SPACA6: variants seen among roughly 807,000 people sequenced by gnomAD.
SPACA6 encodes sperm acrosome membrane-associated protein 6.
For synonymous variants in SPACA6, 6 were observed against 1.5 expected, an observed-to-expected ratio of 4.05 and a Z score of -2.21; for missense variants, 8 against 2.8, an observed-to-expected ratio of 2.88 and a Z score of -1.34.
intron 7 of SPACA6, 32 bp downstream of exon 7, chr19:51,704,218 G>A (rs2083495120): frequency 2.5e-6 from 1 of 400,986 alleles, no homozygotes; most frequent in Non-Finnish European, 4.4e-6. Context: ...TGAGTGAGCG[G>A]GGTCGGGAGA....
Position 51,693,679 on chromosome 19 carries a change from G to A in SPACA6, c.153G>A (p.Lys51=). 2.4e-6 allele frequency: 1 copy of A among 413,256 alleles called. No individual in the cohort carries two copies. The highest frequency in any genetic ancestry group is 4.3e-6 in the Non-Finnish European group (1 of 232,548). 25.6% of individuals were successfully genotyped at this position (413,256 alleles called of 1,614,324 possible). A position where few individuals can be genotyped will look rare whatever the true frequency, so the allele number is the denominator to read the frequency against. Residue 51 remains lysine, a synonymous_variant, in exon 1 of 9, where the codon AAG becomes AAA. Coordinates refer to ENST00000637797, the MANE Select transcript of SPACA6 (RefSeq NM_001316972.2). ...TGTTTGTTGGGATGCGGAGCCCCAA[G>A]CTTGAAGAGTGTGAGGAGGCCTTCA... ...CQMFVGMRSP[K]LEECEEAFTA... is the part of the protein sequence containing the mutation.
chr19:51,705,086 C>A lies in SPACA6; in HGVS notation c.942-4C>A. The A allele has an allele frequency of 2.5e-6, 1 of 401,284 alleles. No homozygotes were observed. The allele number at this position is 401,284 out of a possible 1,614,324, so 24.9% of individuals were successfully genotyped here. ...GTAACACACATACCTCTTTGTTTCC[C>A]CAGGATGTTCTTTCGATGGTACTGC... is the stretch of plus-strand genomic sequence containing the variant. On this transcript the variant is annotated splice_polypyrimidine_tract_variant and splice_region_variant and intron_variant, in intron 8 of 8. Transcript: ENST00000637797.
At position 51,704,388 on chromosome 19, in the gene SPACA6, G is replaced by A. The variant is rs1042705609; in HGVS notation, c.849G>A (p.Leu283=). The A allele has an allele frequency of 2.5e-6, 1 of 401,166 alleles. No individual in the cohort carries two copies. The highest frequency in any genetic ancestry group is 4.4e-6 in the Non-Finnish European group (1 of 226,268). 24.9% of individuals were successfully genotyped at this position (401,166 alleles called of 1,614,324 possible). A position where few individuals can be genotyped will look rare whatever the true frequency, so the allele number is the denominator to read the frequency against. ...CCTGGAGGCCCAGCCTGGGCGAGCT[G>A]CTGGCCAGGCCCGAGGCTCTGACGC... ...IEPWRPSLGE[L]LARPEALTPS... Residue 283 remains leucine (L), a synonymous_variant, in exon 8 of 9, where the codon CTG becomes CTA. Transcript: ENST00000637797.
chr19:51,689,095 G>A (rs1165360920), upstream of SPACA6: 1 of 198 alleles, frequency 5.1e-3, no homozygotes, highest in Non-Finnish European at 7.4e-3. Context: ...CGAGGAGGAG[G>A]GCGGGCGAGC....
the SPACA6 span, among the ~76,000 whole-genome samples, chr19:51,683,455 A>G: frequency 2.0e-5 from 3 of 152,192 alleles, no homozygotes; most frequent in African/African-American, 7.2e-5. Flanking sequence ...TTTAACTCAC[A>G]ACAGGTATGA....
downstream of SPACA6, among the ~76,000 whole-genome samples, chr19:51,707,189 C>T (rs2083519857): frequency 1.3e-5 from 2 of 150,906 alleles, no homozygotes; most frequent in South Asian, 2.1e-4. Context: ...ATGGAACTTA[C>T]ATTCTAGTGG....
chr19:51,704,851 C>G (rs2083504102), intron 8 of SPACA6: 1 of 377,494 alleles, frequency 2.6e-6, no homozygotes, highest in African/African-American at 2.2e-5. Context: ...CCCCCGGACC[C>G]CCTCCTCCCT....
At chr19:51,711,079 C>G (rs1214128347) in intron 2 of SPACA6, among the ~76,000 whole-genome samples, 1 of 151,340 alleles carries the variant, frequency 6.6e-6, no homozygotes, top group Non-Finnish European at 1.5e-5. Flanking sequence ...GACCCTATCT[C>G]AAAAAAGAAA....
At chr19:51,712,865 T>C (rs2083549321), downstream of SPACA6, among the ~76,000 whole-genome samples, 1 of 152,198 alleles carries the variant, frequency 6.6e-6, no homozygotes, top group African/African-American at 2.4e-5. Context: ...CCATCTGCAG[T>C]ACCTGCCAGT....
At chr19:51,696,533 A>C (rs1222858391) in intron 2 of SPACA6, among the ~76,000 whole-genome samples, 1 of 152,068 alleles carries the variant, frequency 6.6e-6, no homozygotes, top group Non-Finnish European at 1.5e-5. Context: ...CTACAGCTTC[A>C]AACTCCTGGG....
upstream of SPACA6, among the ~76,000 whole-genome samples, chr19:51,691,385 G>T (rs1379410541): frequency 6.7e-6 from 1 of 149,952 alleles, no homozygotes; most frequent in Non-Finnish European, 1.5e-5. Context: ...AAAGACATCC[G>T]AAAAAAGGGG....
At chr19:51,690,139 A>AT (rs1466188880), upstream of SPACA6, among the ~76,000 whole-genome samples, 2 of 151,222 alleles carry the variant, frequency 1.3e-5, no homozygotes, top group Non-Finnish European at 2.9e-5. Flanking sequence ...GGGACCCGGG[A>AT]TTCCAGGTCC....
downstream of SPACA6, among the ~76,000 whole-genome samples, chr19:51,707,230 C>T (rs1305754780): frequency 2.1e-5 from 3 of 141,224 alleles, no homozygotes; most frequent in African/African-American, 7.9e-5. Flanking sequence ...CTCTCTCTCC[C>T]TTTTTTTTTT....
downstream of SPACA6, chr19:51,713,061 CA>C: frequency 4.9e-6 from 1 of 204,336 alleles, no homozygotes; most frequent in Non-Finnish European, 9.7e-6. This position sits in a 1 kb window ranked among gnomAD's most constrained non-coding sequence, Gnocchi z 4.5. Context: ...CCAGCGTCCC[CA>C]ATTCTCAATC....
At chr19:51,690,725 A>G (rs1022409220), upstream of SPACA6, among the ~76,000 whole-genome samples, 2 of 151,970 alleles carry the variant, frequency 1.3e-5, no homozygotes, top group Non-Finnish European at 2.9e-5. Context: ...ACAAGTCCTG[A>G]CCCTTCTCTC....
chr19:51,691,407 T>G (rs1600131367), upstream of SPACA6, among the ~76,000 whole-genome samples: 11 of 115,252 alleles, frequency 9.5e-5, no homozygotes, highest in South Asian at 2.6e-4. Flanking sequence ...TGGAGAAGGG[T>G]GAGAAAGAGG....
chr19:51,702,485 T>C, intron 3 of SPACA6, 144 bp from the exon 4 acceptor site: 1 of 391,796 alleles, frequency 2.6e-6, no homozygotes. Context: ...CCCAGCCGGC[T>C]TGACCCCGCC....
At chr19:51,695,383 G>A (rs574746560) in intron 2 of SPACA6, among the ~76,000 whole-genome samples, 1 of 152,330 alleles carries the variant, frequency 6.6e-6, no homozygotes, top group South Asian at 2.1e-4. Flanking sequence ...AGTTGCAGGA[G>A]TTACAGAGCC....
chr19:51,709,735 G>A (rs2083533568), downstream of SPACA6, among the ~76,000 whole-genome samples: 2 of 152,110 alleles, frequency 1.3e-5, no homozygotes, highest in South Asian at 4.1e-4. Context: ...ACAGACTGGG[G>A]CAAAGTGGAA....
Sources: allele counts gnomAD v4.1 joint callset (sites outside exome capture counted in the v4.1 genomes callset), GRCh38; gene constraint gnomAD v4.1.1; non-coding constraint Gnocchi (gnomAD v3.1); transcripts MANE v1.5; gene names NCBI Gene and HGNC (gene_info 2026-07-23, HGNC 2026-07-21).